The following EDDM13 variants were observed in gnomAD, a reference collection of about 807,000 sequenced individuals.
The protein encoded by EDDM13 is epididymal protein 13.
In EDDM13, 24 loss-of-function variants were observed where a neutral mutation model predicts 17.8. That is an observed-to-expected ratio of 1.35 (90% confidence interval 0.98 to 1.90). The LOEUF (loss-of-function observed/expected upper bound fraction) is 1.90, where lower values mean the gene tolerates loss of function less well. Among genes scored for constraint, EDDM13 ranks in the 40% most tolerant of loss-of-function variants. The pLI is 0.00. For synonymous variants in EDDM13, 31 were observed against 37.5 expected (o/e 0.83, Z 0.63); for missense variants, 97 against 100.8 (o/e 0.96, Z 0.16).
chr19:56,306,059 A>C (rs1317297078), intron 14 of EDDM13, among the ~76,000 whole-genome samples: 1 of 152,138 alleles, frequency 6.6e-6, no homozygotes, highest in Non-Finnish European at 1.5e-5. Context: ...AGATTAGAGC[A>C]AGCATTTTAG....
At chr19:56,287,663 G>A (rs2039227800) in intron 6 of EDDM13, among the ~76,000 whole-genome samples, 1 of 152,182 alleles carries the variant, frequency 6.6e-6, no homozygotes, top group African/African-American at 2.4e-5. Flanking sequence ...AATAACGGCA[G>A]GGGGTTGAGG....
At chr19:56,300,047 T>C (rs1399524192) in intron 12 of EDDM13, 1 of 152,156 alleles carries the variant, frequency 6.6e-6, no homozygotes, top group African/African-American at 2.4e-5. Flanking sequence ...TTGTGTACCT[T>C]TGATTGGGAG....
rs541947522 is a variant in EDDM13 at position 56,272,931 on chromosome 19, A to C, written c.85+12A>C. ...TACTCCTCGTGAAGGTAATGCTTCC[A>C]GCCATGCCTTGTGTCCTCTATGTAT... On this transcript the variant is annotated intron_variant, in intron 1 of 14. Transcript: ENST00000649256. 2.0e-6 allele frequency: 2 copies of C among 981,050 alleles called. No homozygotes were observed. Among genetic ancestry groups the C allele is most frequent in the South Asian group, 9.4e-5 (2 of 21,228 alleles). 60.8% of individuals were successfully genotyped at this position (981,050 alleles called of 1,614,324 possible).
At chr19:56,298,644 T>A in intron 12 of EDDM13, among the ~76,000 whole-genome samples, 2 of 106,172 alleles carry the variant, frequency 1.9e-5, no homozygotes. Flanking sequence ...AGAGCAAGAC[T>A]CCATCTCAAA....
At chr19:56,276,933 C>T (rs947216482) in intron 2 of EDDM13, among the ~76,000 whole-genome samples, 1 of 151,862 alleles carries the variant, frequency 6.6e-6, no homozygotes, top group Non-Finnish European at 1.5e-5. Context: ...TTTACAAATA[C>T]AAATACTTAT....
intron 4 of EDDM13, among the ~76,000 whole-genome samples, chr19:56,283,187 T>A (rs1204279070): frequency 6.6e-6 from 1 of 152,208 alleles, no homozygotes; most frequent in African/African-American, 2.4e-5. Context: ...CACCTCTTTC[T>A]GATTCCACGT....
At chr19:56,302,166 G>A in intron 13 of EDDM13, 71 bp downstream of exon 13, 2 of 1,158,954 alleles carry the variant, frequency 1.7e-6, no homozygotes, top group Non-Finnish European at 2.2e-6. Flanking sequence ...TGGGGGCACA[G>A]AGGAAGCGAA....
chr19:56,302,121 A>G (rs1010527536), intron 13 of EDDM13, 26 bp downstream of exon 13: 1 of 1,229,002 alleles, frequency 8.1e-7, no homozygotes, highest in Non-Finnish European at 1.0e-6. Context: ...CACGGAGGGG[A>G]GGAGTGTGAG....
At chr19:56,297,876 A>T (rs958928244) in intron 12 of EDDM13, 2 of 152,236 alleles carry the variant, frequency 1.3e-5, no homozygotes, top group African/African-American at 4.8e-5. Flanking sequence ...AGAAAATAGC[A>T]GCAAGCCACC....
chr19:56,292,557 G>C (rs1215674501), intron 9 of EDDM13, among the ~76,000 whole-genome samples: 1 of 151,278 alleles, frequency 6.6e-6, no homozygotes, highest in Non-Finnish European at 1.5e-5. Context: ...CAAAGCACTG[G>C]GATCACAGGC....
chr19:56,297,577 T>C (rs554667149), intron 12 of EDDM13, 46 bp downstream of exon 12: 1 of 953,900 alleles, frequency 1.0e-6, no homozygotes, highest in South Asian at 4.8e-5. Context: ...AGACAGTGTG[T>C]CCCTTCTGTC....
chr19:56,279,023 G>A (rs994272135), intron 2 of EDDM13, among the ~76,000 whole-genome samples: 2 of 152,030 alleles, frequency 1.3e-5, no homozygotes, highest in East Asian at 3.9e-4. Flanking sequence ...ACACACCTGG[G>A]GCAGCCCAAA....
chr19:56,300,424 A>C (rs1211552902), intron 12 of EDDM13, among the ~76,000 whole-genome samples: 1 of 152,206 alleles, frequency 6.6e-6, no homozygotes, highest in African/African-American at 2.4e-5. Flanking sequence ...GGGAAAAATA[A>C]ACTTCTAGTA....
rs1028954069 is a variant in EDDM13, at chr19:56,292,515, G to A, written c.232+1669G>A. 1.5e-4 allele frequency among the ~76,000 whole-genome samples: 22 copies of A among 147,126 alleles called. No homozygotes were observed. The East Asian group carries it at 1.8e-3, about 12-fold the overall frequency. On this transcript the variant is annotated intron_variant, in intron 9 of 14. Coordinates refer to ENST00000649256, the MANE Select transcript of EDDM13 (RefSeq NM_001354658.2). ...GTTGCCAAGGCTGGTCTTCAATTCC[G>A]GGGCTCAAGCAATCCTCCTACCTCA...
chr19:56,299,595 G>T (rs144394478), intron 12 of EDDM13, among the ~76,000 whole-genome samples: 1 of 152,114 alleles, frequency 6.6e-6, no homozygotes, highest in Non-Finnish European at 1.5e-5. Flanking sequence ...GGACCTCCCC[G>T]CAGATAGCAA....
chr19:56,290,560 C>A (rs943611067), intron 8 of EDDM13, among the ~76,000 whole-genome samples: 1 of 152,104 alleles, frequency 6.6e-6, no homozygotes, highest in Non-Finnish European at 1.5e-5. Context: ...GTTTGCTTCC[C>A]AAATGGTGAT....
intron 9 of EDDM13, chr19:56,294,922 C>G (rs1287211688): frequency 6.6e-6 from 1 of 152,280 alleles, no homozygotes. Flanking sequence ...ATGTCCACAG[C>G]AGGCAAGTCC....
intron 13 of EDDM13, among the ~76,000 whole-genome samples, chr19:56,304,016 G>A (rs903430238): frequency 8.5e-5 from 13 of 152,198 alleles, no homozygotes; most frequent in Admixed American, 2.0e-4. Context: ...CATAGACCAC[G>A]AGAAGGAAGC....
chr19:56,297,356 C>A (rs978905288), intron 11 of EDDM13, 149 bp from the exon 12 acceptor site: 2 of 162,934 alleles, frequency 1.2e-5, no homozygotes, highest in Non-Finnish European at 2.6e-5. Flanking sequence ...CCTTTCTTTT[C>A]TCCTCCTCTT....
Sources: allele counts gnomAD v4.1 joint callset (sites outside exome capture counted in the v4.1 genomes callset), GRCh38; gene constraint gnomAD v4.1.1; transcripts MANE v1.5; gene names NCBI Gene and HGNC (gene_info 2026-07-23, HGNC 2026-07-21).